BOLA3: variants seen among roughly 807,000 people sequenced by gnomAD.
BOLA3 encodes bolA family member 3.
In BOLA3, 8 loss-of-function variants were observed where a neutral mutation model predicts 14.5. That is an observed-to-expected ratio of 0.55 (90% CI 0.32 to 0.99). BOLA3 has a LOEUF of 0.99. Among genes scored for constraint, BOLA3 ranks in the 50% least tolerant of loss-of-function variants. The pLI, the probability that BOLA3 is intolerant of heterozygous loss-of-function variation, is 0.04. For synonymous variants in BOLA3, 42 were observed against 45.7 expected, an observed-to-expected ratio of 0.92 and a Z score of 0.33; for missense variants, 115 against 138.2, an observed-to-expected ratio of 0.83 and a Z score of 0.84.
chr2:74,135,548 T>G lies in BOLA3; in HGVS notation c.*45A>C. On this transcript the variant is annotated 3_prime_UTR_variant, in exon 4 of 4. Transcript: ENST00000327428. The stretch of plus-strand genomic sequence containing the variant: ...TAGGGAAGAATGATGTCAGTGAAGT[T>G]CATCCAAGGTCTTAAGCAGCAGCAT... The G allele has an allele frequency of 6.2e-7, 1 of 1,612,790 alleles. No individual in the cohort carries two copies. Among genetic ancestry groups the G allele is most frequent in the Non-Finnish European group, 8.5e-7 (1 of 1,179,200 alleles).
intron 3 of BOLA3, among the ~76,000 whole-genome samples, chr2:74,138,973 G>A (rs1692386858): frequency 6.6e-6 from 1 of 152,206 alleles, no homozygotes; most frequent in Non-Finnish European, 1.5e-5. Flanking sequence ...GACAGGTAGG[G>A]AGGTGCTCCT....
intron 3 of BOLA3, 21 bp downstream of exon 3, chr2:74,142,251 G>A: frequency 6.3e-7 from 1 of 1,582,484 alleles, no homozygotes; most frequent in East Asian, 2.2e-5. Flanking sequence ...AGTGGCAAGG[G>A]GCACTGTTGC....
At chr2:74,142,459 T>G in intron 2 of BOLA3, 99 bp from the exon 3 acceptor site, 1 of 935,252 alleles carries the variant, frequency 1.1e-6, no homozygotes, top group Non-Finnish European at 1.7e-6. Context: ...GGTCTGAATA[T>G]TATCATTCAG....
At chr2:74,136,814 C>T (rs1692340861) in intron 3 of BOLA3, among the ~76,000 whole-genome samples, 1 of 152,082 alleles carries the variant, frequency 6.6e-6, no homozygotes, top group Non-Finnish European at 1.5e-5. Context: ...ACAAATTCCC[C>T]AATGGTCAGA....
intron 3 of BOLA3, among the ~76,000 whole-genome samples, chr2:74,137,211 T>C (rs547866962): frequency 1.3e-5 from 2 of 152,324 alleles, no homozygotes; most frequent in African/African-American, 4.8e-5. Context: ...TGGACCGAGG[T>C]GGCACATGAC....
chr2:74,147,908 T>C lies in BOLA3; in HGVS notation c.-34A>G, dbSNP rs1246254295. The stretch of plus-strand genomic sequence containing the variant: ...GACGTGACCCGCCGCCCGAGGTCAC[T>C]GTATGCCCGAAAGACGCGGAGCGGG... On this transcript the variant is annotated 5_prime_UTR_variant, in exon 1 of 4. Transcript: ENST00000327428. The C allele has an allele frequency of 4.0e-6, 6 of 1,497,488 alleles. No homozygotes were observed. The highest frequency in any genetic ancestry group is 2.7e-5 in the East Asian group (1 of 36,372). 92.8% of individuals were successfully genotyped at this position (1,497,488 alleles called of 1,614,324 possible).
chr2:74,139,421 C>T (rs1409180579), intron 3 of BOLA3, among the ~76,000 whole-genome samples: 1 of 150,972 alleles, frequency 6.6e-6, no homozygotes, highest in Non-Finnish European at 1.5e-5. Flanking sequence ...CCTGAAGAGA[C>T]CAGCTGGCCC....
At chr2:74,140,201 T>C (rs1409272749) in intron 3 of BOLA3, among the ~76,000 whole-genome samples, 1 of 152,036 alleles carries the variant, frequency 6.6e-6, no homozygotes, top group Admixed American at 6.6e-5. Flanking sequence ...GAAGAATTGC[T>C]TGAACCCAGG....
chr2:74,142,883 G>C (rs1466383249), intron 2 of BOLA3, among the ~76,000 whole-genome samples: 1 of 152,226 alleles, frequency 6.6e-6, no homozygotes, highest in Non-Finnish European at 1.5e-5. Flanking sequence ...GCTCGGGGCT[G>C]TCTCTGGCAC....
chr2:74,146,292 C>G (rs1162573066), intron 1 of BOLA3: 1 of 152,272 alleles, frequency 6.6e-6, no homozygotes, highest in Non-Finnish European at 1.5e-5. Flanking sequence ...CACGCCCGGC[C>G]AGGGGAGCCC....
chr2:74,140,374 A>T (rs922729631), intron 3 of BOLA3, among the ~76,000 whole-genome samples: 1 of 152,248 alleles, frequency 6.6e-6, no homozygotes, highest in Non-Finnish European at 1.5e-5. Context: ...ATACTAAAAC[A>T]TAATTTCCAT....
At chr2:74,145,144 CA>C (rs756237936) in intron 2 of BOLA3, 44 bp downstream of exon 2, 1 of 1,154,610 alleles carries the variant, frequency 8.7e-7, no homozygotes, top group Non-Finnish European at 1.3e-6. Flanking sequence ...TTCCAAAGGG[CA>C]AAATCTTATC....
At chr2:74,144,212 TTGG>T (rs1572943483) in intron 2 of BOLA3, among the ~76,000 whole-genome samples, 2 of 151,436 alleles carry the variant, frequency 1.3e-5, no homozygotes, top group East Asian at 2.0e-4. Context: ...TTTCACCATG[TTGG>T]CCAGGCTGGT....
Position 74,147,591 on chromosome 2 carries a change from A to G in BOLA3, c.54+230T>C, listed in dbSNP as rs988578794. On this transcript the variant is annotated intron_variant, in intron 1 of 3. Coordinates refer to ENST00000327428, the MANE Select transcript of BOLA3 (RefSeq NM_212552.3). ...TCCGCCTGACCTCCAACCTCCACCC[A>G]GCTCGGGAGCTCCCCTAGAGCGCGC... is the stretch of plus-strand genomic sequence containing the variant. 8.7e-6 allele frequency: 5 copies of G among 575,550 alleles called. No individual in the cohort carries two copies. The South Asian group carries it at 1.0e-4, about 12-fold the overall frequency. The allele number at this position is 575,550 out of a possible 1,614,324, so 35.7% of individuals were successfully genotyped here.
intron 1 of BOLA3, chr2:74,146,537 G>A (rs941273578): frequency 3.9e-5 from 6 of 152,412 alleles, no homozygotes; most frequent in African/African-American, 1.2e-4. Context: ...GCCTTCTGGA[G>A]CGAGTCAGGA....
At chr2:74,142,881 CTG>C (rs1692472765) in intron 2 of BOLA3, among the ~76,000 whole-genome samples, 1 of 152,214 alleles carries the variant, frequency 6.6e-6, no homozygotes, top group South Asian at 2.1e-4. Context: ...CTGCTCGGGG[CTG>C]TCTCTGGCAC....
rs55654893 is a variant in BOLA3, at chr2:74,135,948, C to CTTT, written c.259-293_259-291dup. On this transcript the variant is annotated intron_variant, in intron 3 of 3. Coordinates refer to ENST00000327428, the MANE Select transcript of BOLA3 (RefSeq NM_212552.3). ...GAACTGTTGTTAGTTTCTTGTGTAT[C>CTTT]TTTTTTTTTTTTTTTTTTTAAGTCA... 7.8e-3 allele frequency among the ~76,000 whole-genome samples: 1,045 copies of CTTT among 134,678 alleles called. 20 individuals carry two copies. The highest frequency in any genetic ancestry group is 0.031 in the Admixed American group (399 of 13,076). 88.4% of individuals were successfully genotyped at this position (134,678 alleles called of 152,430 possible).
Position 74,142,437 on chromosome 2 carries a change from G to A in BOLA3, c.170-77C>T. ...TGGTCCCATATATCCTTGAAGTACT[G>A]TACAATCCAAAGGTCTGAATATTAT... On this transcript the variant is annotated intron_variant, in intron 2 of 3. Transcript: ENST00000327428. The A allele has an allele frequency of 3.6e-6, 4 of 1,100,444 alleles. No individual in the cohort carries two copies. The South Asian group carries it at 3.7e-5, about 10-fold the overall frequency. 68.2% of individuals were successfully genotyped at this position (1,100,444 alleles called of 1,614,324 possible). A position where few individuals can be genotyped will look rare whatever the true frequency, so the allele number is the denominator to read the frequency against.
At chr2:74,138,455 G>A (rs1692374698) in intron 3 of BOLA3, among the ~76,000 whole-genome samples, 1 of 152,232 alleles carries the variant, frequency 6.6e-6, no homozygotes, top group Non-Finnish European at 1.5e-5. Flanking sequence ...TGGGGTGGAC[G>A]CACAAGGGCC....
Sources: allele counts gnomAD v4.1 joint callset (sites outside exome capture counted in the v4.1 genomes callset), GRCh38; gene constraint gnomAD v4.1.1; transcripts MANE v1.5; gene names NCBI Gene and HGNC (gene_info 2026-07-23, HGNC 2026-07-21).